Variants in LARGE1 observed in about 807,000 individuals in gnomAD.
LARGE1 encodes the protein xylosyl- and glucuronyltransferase LARGE1.
LARGE1 carries 43 observed loss-of-function variants against 87.6 expected under a neutral mutation model. That is an observed-to-expected ratio of 0.49 (90% CI 0.38 to 0.63). The LOEUF (loss-of-function observed/expected upper bound fraction) is 0.63, where lower values mean the gene tolerates loss of function less well. Among genes scored for constraint, LARGE1 ranks in the 30% least tolerant of loss-of-function variants. LARGE1 has a pLI of 0.00. For missense variants in LARGE1, 802 were observed against 1,000.2 expected, an observed-to-expected ratio of 0.80 and a Z score of 2.67; for synonymous variants, 434 against 394.6, an observed-to-expected ratio of 1.10 and a Z score of -1.18.
intron 13 of LARGE1, among the ~76,000 whole-genome samples, chr22:33,282,347 AAAAC>A (rs1245265549): frequency 1.5e-5 from 2 of 132,886 alleles, no homozygotes; most frequent in South Asian, 2.4e-4. Context: ...CTCTGTCTCA[AAAAC>A]AAACAAACAA....
intron 7 of LARGE1, among the ~76,000 whole-genome samples, chr22:33,395,178 G>A (rs931443514): frequency 7.5e-5 from 11 of 146,720 alleles, no homozygotes; most frequent in African/African-American, 2.6e-4. Context: ...GCAGTGAGCC[G>A]AGATCGCGCC....
intron 1 of LARGE1, among the ~76,000 whole-genome samples, chr22:33,868,388 C>T (rs566508497): frequency 1.3e-5 from 2 of 152,188 alleles, no homozygotes; most frequent in African/African-American, 2.4e-5. Flanking sequence ...TACCACACTT[C>T]GAGACGAGAT....
chr22:33,649,741 G>A (rs2080733641), intron 3 of LARGE1, among the ~76,000 whole-genome samples: 1 of 152,228 alleles, frequency 6.6e-6, no homozygotes, highest in Non-Finnish European at 1.5e-5. Flanking sequence ...TGGGGAATGA[G>A]TGTATGTGTG....
chr22:33,449,135 T>C (rs1339577670), intron 6 of LARGE1, among the ~76,000 whole-genome samples: 1 of 152,228 alleles, frequency 6.6e-6, no homozygotes, highest in Non-Finnish European at 1.5e-5. Flanking sequence ...TATACCATAA[T>C]TTGAGTGGAA....
chr22:33,753,151 C>T (rs1182803231), intron 2 of LARGE1, among the ~76,000 whole-genome samples: 15 of 152,044 alleles, frequency 9.9e-5, no homozygotes, highest in Admixed American at 3.3e-4. Flanking sequence ...ACCAGGGAGT[C>T]GGAGGTTGCA....
At chr22:33,410,459 A>G (rs368664314) in intron 7 of LARGE1, among the ~76,000 whole-genome samples, 23 of 152,086 alleles carry the variant, frequency 1.5e-4, no homozygotes, top group African/African-American at 5.5e-4. Flanking sequence ...TGTTCTCGTG[A>G]CAGTGAGTGA....
At chr22:33,333,661 G>A (rs1171942225) in intron 10 of LARGE1, among the ~76,000 whole-genome samples, 1 of 152,150 alleles carries the variant, frequency 6.6e-6, no homozygotes, top group African/African-American at 2.4e-5. Context: ...TTTATTAGGT[G>A]CTTATTATGT....
At chr22:33,596,642 C>T (rs1395706368) in intron 5 of LARGE1, among the ~76,000 whole-genome samples, 1 of 152,204 alleles carries the variant, frequency 6.6e-6, no homozygotes, top group Non-Finnish European at 1.5e-5. Flanking sequence ...TGTAGACCCT[C>T]TGATGACAGG....
intron 1 of LARGE1, among the ~76,000 whole-genome samples, chr22:33,777,030 GA>G (rs2085260359): frequency 1.3e-5 from 2 of 152,104 alleles, no homozygotes; most frequent in Admixed American, 6.6e-5. Flanking sequence ...CCACAAACAT[GA>G]ACATAAGTTG....
At chr22:33,839,337 G>C (rs2063202220) in intron 1 of LARGE1, among the ~76,000 whole-genome samples, 1 of 152,190 alleles carries the variant, frequency 6.6e-6, no homozygotes, top group African/African-American at 2.4e-5. Context: ...CAAGGGGTCA[G>C]TGCTAACCCA....
intron 1 of LARGE1, among the ~76,000 whole-genome samples, chr22:33,844,790 G>A (rs948759750): frequency 7.3e-5 from 11 of 150,496 alleles, no homozygotes; most frequent in East Asian, 2.0e-4. Context: ...GCACAATCTC[G>A]GCTCACTGCA....
chr22:33,823,891 C>T (rs1333395349), intron 1 of LARGE1, among the ~76,000 whole-genome samples: 2 of 152,174 alleles, frequency 1.3e-5, no homozygotes, highest in Admixed American at 1.3e-4. Flanking sequence ...CCGAGAGCAC[C>T]ACCCCACAGC....
intron 2 of LARGE1, among the ~76,000 whole-genome samples, chr22:33,715,833 G>A (rs924822528): frequency 6.6e-6 from 1 of 152,192 alleles, no homozygotes. Context: ...AGACATCATT[G>A]AGCAAAGGGC....
intron 1 of LARGE1, among the ~76,000 whole-genome samples, chr22:33,914,848 C>T (rs778691686): frequency 2.6e-5 from 4 of 152,042 alleles, no homozygotes; most frequent in Non-Finnish European, 5.9e-5. Flanking sequence ...ATAGAGACAG[C>T]GCCTGAAGCC....
At chr22:33,905,710 A>C (rs2065426084) in intron 1 of LARGE1, among the ~76,000 whole-genome samples, 1 of 152,202 alleles carries the variant, frequency 6.6e-6, no homozygotes, top group Non-Finnish European at 1.5e-5. Flanking sequence ...CATTGCTGTG[A>C]TTAGAAGGAC....
chr22:33,472,435 T>C (rs535540537), intron 6 of LARGE1, among the ~76,000 whole-genome samples: 15 of 152,270 alleles, frequency 9.9e-5, no homozygotes, highest in Admixed American at 6.5e-4. Flanking sequence ...ATATCTAGTA[T>C]AGTGGTTTCC....
rs530184178 is a variant in LARGE1, at chr22:33,577,566, T to G, written c.616-12547A>C. The stretch of plus-strand genomic sequence containing the variant: ...ACCTTCTTCCACTCTTACCTCCGCC[T>G]TCCCATGGAGCCATCTAAAAAGGGC... On this transcript the variant is annotated intron_variant, in intron 5 of 14. Coordinates refer to ENST00000397394, the MANE Select transcript of LARGE1 (RefSeq NM_133642.5). Among the ~76,000 whole-genome samples, 208 of 152,346 alleles carry G rather than the reference T, an allele frequency of 1.4e-3. 3 individuals carry two copies. Among genetic ancestry groups the G allele is most frequent in the Admixed American group, 0.013 (206 of 15,304 alleles).
chr22:33,876,686 G>A (rs1285126011), intron 1 of LARGE1, among the ~76,000 whole-genome samples: 1 of 151,910 alleles, frequency 6.6e-6, no homozygotes, highest in Admixed American at 6.6e-5. Flanking sequence ...AGAGCATTAG[G>A]ACAAATACCT....
intron 2 of LARGE1, among the ~76,000 whole-genome samples, chr22:33,719,354 G>A (rs1354330033): frequency 6.6e-6 from 1 of 152,100 alleles, no homozygotes; most frequent in Non-Finnish European, 1.5e-5. Context: ...GCAGTGTTTA[G>A]AAAGTCTACG....
Sources: gnomAD v4.1 joint callset for allele counts (sites outside exome capture counted in the v4.1 genomes callset) on GRCh38, gnomAD v4.1.1 for gene constraint, MANE v1.5 for transcripts, NCBI Gene and HGNC (gene_info 2026-07-23, HGNC 2026-07-21) for gene names.